MSRA: variants seen among roughly 807,000 people sequenced by gnomAD.
MSRA encodes the protein mitochondrial peptide methionine sulfoxide reductase.
Under a neutral mutation model 31.3 loss-of-function variants are expected in MSRA, and 54 were observed. The ratio of observed to expected loss-of-function variants is 1.73; its 90% CI spans 1.39 to 2.17. The LOEUF (loss-of-function observed/expected upper bound fraction) is 2.17, where lower values mean the gene tolerates loss of function less well. MSRA is among the 30% of genes most tolerant of loss of function. The pLI is 0.00. For synonymous variants in MSRA, 169 were observed against 116.5 expected, an observed-to-expected ratio of 1.45 and a Z score of -2.90; for missense variants, 507 against 300.9, an observed-to-expected ratio of 1.69 and a Z score of -5.07.
At chr8:10,183,621 G>C (rs1806742187) in intron 1 of MSRA, among the ~76,000 whole-genome samples, 1 of 152,160 alleles carries the variant, frequency 6.6e-6, no homozygotes, top group African/African-American at 2.4e-5. Flanking sequence ...TAGGAGACAG[G>C]CTGATCTCTG....
intron 4 of MSRA, among the ~76,000 whole-genome samples, chr8:10,309,155 C>G (rs1801297824): frequency 6.6e-6 from 1 of 152,266 alleles, no homozygotes; most frequent in Admixed American, 6.5e-5. Flanking sequence ...CCTAACTCAT[C>G]ATGAGGTAAA....
intron 1 of MSRA, among the ~76,000 whole-genome samples, chr8:10,067,756 C>T (rs1201886440): frequency 1.3e-5 from 2 of 151,988 alleles, no homozygotes; most frequent in African/African-American, 4.8e-5. Flanking sequence ...TTGCAATTCC[C>T]AAATGATATA....
chr8:10,274,829 A>G (rs1799237350), intron 3 of MSRA, among the ~76,000 whole-genome samples: 1 of 151,596 alleles, frequency 6.6e-6, no homozygotes, highest in Non-Finnish European at 1.5e-5. Context: ...CCATCCACCC[A>G]CTCACCTGTT....
At chr8:10,149,278 T>C (rs968264146) in intron 1 of MSRA, among the ~76,000 whole-genome samples, 1 of 152,168 alleles carries the variant, frequency 6.6e-6, no homozygotes, top group South Asian at 2.1e-4. Context: ...CCCACCACCA[T>C]GCCCAGCTAA....
intron 1 of MSRA, among the ~76,000 whole-genome samples, chr8:10,182,621 T>C (rs1377393059): frequency 6.6e-6 from 1 of 152,194 alleles, no homozygotes; most frequent in Non-Finnish European, 1.5e-5. Flanking sequence ...TTACATGAGA[T>C]GTTATGATAC....
intron 3 of MSRA, among the ~76,000 whole-genome samples, chr8:10,269,990 C>G (rs1234658647): frequency 3.3e-5 from 5 of 152,170 alleles, no homozygotes; most frequent in African/African-American, 4.8e-5. Flanking sequence ...GAAAAATGAT[C>G]TCATCTACCT....
intron 1 of MSRA, among the ~76,000 whole-genome samples, chr8:10,099,425 G>A (rs538952122): frequency 3.9e-5 from 6 of 152,296 alleles, no homozygotes; most frequent in African/African-American, 1.2e-4. Context: ...TAGTTGGGTA[G>A]AGGAGAGGAT....
chr8:10,144,155 A>T (rs1457995945), intron 1 of MSRA, among the ~76,000 whole-genome samples: 1 of 152,178 alleles, frequency 6.6e-6, no homozygotes, highest in African/African-American at 2.4e-5. Context: ...GGTTAAAGGA[A>T]CATAGGAGCG....
chr8:10,337,411 C>T (rs978985154), intron 5 of MSRA: 1 of 308,736 alleles, frequency 3.2e-6, no homozygotes, highest in African/African-American at 2.2e-5. Flanking sequence ...GATCTCCTGA[C>T]CTCGTGATCC....
chr8:10,133,140 G>A (rs1219464954), intron 1 of MSRA, among the ~76,000 whole-genome samples: 2 of 152,152 alleles, frequency 1.3e-5, no homozygotes, highest in Non-Finnish European at 2.9e-5. Flanking sequence ...TGTTGATGAG[G>A]TATATATTTC....
At chr8:10,375,180 C>G (rs773336096) in intron 5 of MSRA, among the ~76,000 whole-genome samples, 28 of 152,226 alleles carry the variant, frequency 1.8e-4, no homozygotes, top group Non-Finnish European at 3.1e-4. Flanking sequence ...CAAATCTGCT[C>G]CCCCTCTTCC....
rs144066044 is a variant in MSRA, at chr8:10,319,888, C to T, written c.442C>T (p.Arg148Cys). The change falls in exon 5 of 6, where the codon CGC becomes TGC. Residue 148 changes from arginine (R) to cysteine (C), a missense_variant. Coordinates refer to ENST00000317173, the MANE Select transcript of MSRA (RefSeq NM_012331.5). ...CCTGTTTTCTGCTTTCCTAGGTATG[C>T]GCCAGGGGAACGACCATGGCACTCA... ...WENHDPTQGM[R>C]QGNDHGTQYR... 2.0e-4 allele frequency: 305 copies of T among 1,541,720 alleles called. No individual in the cohort carries two copies. In the African/African-American group the frequency reaches 2.6e-3, roughly 13 times the overall value.
At chr8:10,230,598 C>T (rs907158377) in intron 2 of MSRA, among the ~76,000 whole-genome samples, 1 of 152,180 alleles carries the variant, frequency 6.6e-6, no homozygotes, top group African/African-American at 2.4e-5. Flanking sequence ...TTCTTCCAGA[C>T]TATCTGTCAG....
intron 4 of MSRA, among the ~76,000 whole-genome samples, chr8:10,304,081 G>T (rs921837342): frequency 6.6e-6 from 1 of 152,178 alleles, no homozygotes; most frequent in Non-Finnish European, 1.5e-5. Context: ...GATTACAGGT[G>T]CATGCCACCA....
intron 2 of MSRA, 126 bp downstream of exon 2, chr8:10,208,027 A>C (rs981189641): frequency 1.1e-5 from 7 of 663,766 alleles, no homozygotes; most frequent in Non-Finnish European, 1.7e-5. Flanking sequence ...AAGTTGTTAC[A>C]GCCAAGAAAA....
At chr8:10,156,001 T>G (rs1445526619) in intron 1 of MSRA, among the ~76,000 whole-genome samples, 1 of 152,136 alleles carries the variant, frequency 6.6e-6, no homozygotes, top group Non-Finnish European at 1.5e-5. Context: ...GTGACCTTAA[T>G]GAAGTGGTCA....
At chr8:10,196,176 G>T (rs2129055372) in intron 1 of MSRA, among the ~76,000 whole-genome samples, 1 of 152,348 alleles carries the variant, frequency 6.6e-6, no homozygotes, top group African/African-American at 2.4e-5. Flanking sequence ...CATGCTTAAG[G>T]CCGCTGACAT....
intron 2 of MSRA, among the ~76,000 whole-genome samples, chr8:10,212,668 T>C (rs937827550): frequency 1.2e-4 from 19 of 152,244 alleles, no homozygotes; most frequent in African/African-American, 4.1e-4. Flanking sequence ...GCAGTTTTAA[T>C]ATTGTACTAA....
intron 5 of MSRA, among the ~76,000 whole-genome samples, chr8:10,382,662 C>T (rs1806143706): frequency 6.6e-6 from 1 of 152,208 alleles, no homozygotes; most frequent in South Asian, 2.1e-4. Context: ...CTGAGGCAAA[C>T]ACCTCATCTC....
Sources: allele counts gnomAD v4.1 joint callset (sites outside exome capture counted in the v4.1 genomes callset), GRCh38; gene constraint gnomAD v4.1.1; transcripts MANE v1.5; gene names NCBI Gene and HGNC (gene_info 2026-07-23, HGNC 2026-07-21).